CAPZB: variants seen among roughly 807,000 people sequenced by gnomAD.
CAPZB encodes the protein capping actin protein of muscle Z-line subunit beta, also known as F-actin-capping protein subunit beta.
CAPZB carries 2 observed loss-of-function variants against 38.1 expected under a neutral mutation model. The observed-to-expected ratio is 0.05, with a 90% CI of 0.02 to 0.17. CAPZB has a LOEUF of 0.17. CAPZB is among the 10% of genes least tolerant of loss of function. The pLI is 1.00. For missense variants in CAPZB, 161 were observed against 334.2 expected, an observed-to-expected ratio of 0.48 and a Z score of 4.04; for synonymous variants, 107 against 127.4, an observed-to-expected ratio of 0.84 and a Z score of 1.08.
chr1:19,391,978 C>T (rs2094238263), intron 2 of CAPZB, among the ~76,000 whole-genome samples: 1 of 152,106 alleles, frequency 6.6e-6, no homozygotes, highest in Non-Finnish European at 1.5e-5. Context: ...TTCAGGAGTT[C>T]AAGACCAGCC....
At chr1:19,404,543 TA>T (rs11356951) in intron 2 of CAPZB, among the ~76,000 whole-genome samples, 4,628 of 127,770 alleles carry the variant, frequency 0.036, 95 homozygotes, top group Non-Finnish European at 0.045. Context: ...AACTCCATGT[TA>T]AAAAAAAAAA....
chr1:19,344,978 G>A lies in CAPZB; in HGVS notation c.654+209C>T, dbSNP rs557430936. ...CTGGGAGCCCAGGTCTGGGGGTGGA[G>A]CAGGAGGTGGCCCTGAAGCTGGAGC... On this transcript the variant is annotated intron_variant, in intron 7 of 8. Coordinates refer to ENST00000264202, the MANE Select transcript of CAPZB (RefSeq NM_004930.5). Among the ~76,000 whole-genome samples, 22 of 152,328 alleles carry A rather than the reference G, an allele frequency of 1.4e-4. No homozygotes were observed. The East Asian group carries it at 4.0e-3, about 28-fold the overall frequency.
intron 1 of CAPZB, among the ~76,000 whole-genome samples, chr1:19,438,889 T>G (rs1432001171): frequency 6.6e-6 from 1 of 152,240 alleles, no homozygotes; most frequent in Non-Finnish European, 1.5e-5. Context: ...TCTCCTGGTT[T>G]CCCTTCTGTC....
chr1:19,438,296 A>G (rs544831818), intron 1 of CAPZB, among the ~76,000 whole-genome samples: 1 of 152,286 alleles, frequency 6.6e-6, no homozygotes, highest in East Asian at 1.9e-4. Context: ...AAACAAACAC[A>G]AGCCATCCAG....
At chr1:19,380,504 G>A (rs1253705608) in intron 3 of CAPZB, among the ~76,000 whole-genome samples, 1 of 152,226 alleles carries the variant, frequency 6.6e-6, no homozygotes, top group African/African-American at 2.4e-5. Context: ...GCCCACAATC[G>A]ATGCCTCAGT....
intron 4 of CAPZB, among the ~76,000 whole-genome samples, chr1:19,372,029 T>C (rs1427862686): frequency 6.6e-6 from 1 of 152,236 alleles, no homozygotes. Flanking sequence ...GAGAGGCCCT[T>C]GGGCCCTGGG....
intron 2 of CAPZB, among the ~76,000 whole-genome samples, chr1:19,413,823 G>C (rs374320891): frequency 2.8e-4 from 43 of 152,062 alleles, no homozygotes; most frequent in Admixed American, 1.0e-3. Context: ...AGTCGTCTTG[G>C]GTCCCAGGCC....
rs538639644 is a variant in CAPZB, at chr1:19,427,390, G to A, written c.4-7640C>T. Among the ~76,000 whole-genome samples the A allele has an allele frequency of 3.9e-5, 6 of 152,300 alleles. No homozygotes were observed. The East Asian group carries it at 1.2e-3, about 29-fold the overall frequency. On this transcript the variant is annotated intron_variant, in intron 1 of 8. Transcript: ENST00000264202. ...GAGAGGCTTAGCAAATAACTTCATAGACAGCACAAAGGTAAACTCTGCTGG... is the reference window on the plus strand; with the variant it reads ...GAGAGGCTTAGCAAATAACTTCATAAACAGCACAAAGGTAAACTCTGCTGG...
intron 1 of CAPZB, chr1:19,448,715 T>C (rs990180703): frequency 7.7e-7 from 1 of 1,293,848 alleles, no homozygotes; most frequent in African/African-American, 1.5e-5. Flanking sequence ...CTGTGCCTTG[T>C]GGATTCCATC....
intron 2 of CAPZB, among the ~76,000 whole-genome samples, chr1:19,412,560 G>A (rs1485117099): frequency 2.6e-5 from 4 of 152,172 alleles, no homozygotes; most frequent in Non-Finnish European, 5.9e-5. Flanking sequence ...TGTAACTTCA[G>A]ATGAATGCCA....
chr1:19,381,064 G>C (rs917638029), intron 3 of CAPZB, among the ~76,000 whole-genome samples: 2 of 152,030 alleles, frequency 1.3e-5, no homozygotes, highest in Non-Finnish European at 2.9e-5. Flanking sequence ...AGCTACTCAG[G>C]AGGCTGAGGC....
At chr1:19,363,260 ATTT>A (rs10641267) in intron 4 of CAPZB, among the ~76,000 whole-genome samples, 68 of 123,144 alleles carry the variant, frequency 5.5e-4, no homozygotes, top group African/African-American at 1.8e-3. Context: ...TAAAAAAAAA[ATTT>A]TTTTTTTTTT....
At chr1:19,445,736 T>C (rs1485841859) in intron 1 of CAPZB, among the ~76,000 whole-genome samples, 2 of 151,882 alleles carry the variant, frequency 1.3e-5, no homozygotes, top group Non-Finnish European at 2.9e-5. Context: ...ATGCAGGAGG[T>C]GTTCTGGGGG....
chr1:19,443,201 A>G (rs949660665), intron 1 of CAPZB, among the ~76,000 whole-genome samples: 3 of 151,720 alleles, frequency 2.0e-5, no homozygotes, highest in Non-Finnish European at 4.4e-5. Flanking sequence ...CAGCCTGGGC[A>G]ACATACTGAG....
At chr1:19,484,454 C>T in intron 1 of CAPZB, 1 of 1,482,158 alleles carries the variant, frequency 6.7e-7, no homozygotes, top group Non-Finnish European at 9.0e-7. Context: ...TTCGCACGCA[C>T]AGCACCCACG....
intron 1 of CAPZB, among the ~76,000 whole-genome samples, chr1:19,430,519 T>C (rs1303407259): frequency 6.6e-6 from 1 of 152,168 alleles, no homozygotes; most frequent in Non-Finnish European, 1.5e-5. Flanking sequence ...CCAAAAGGAG[T>C]TAGCCATCCA....
intron 4 of CAPZB, among the ~76,000 whole-genome samples, chr1:19,366,740 T>C (rs2094090670): frequency 2.0e-5 from 3 of 152,086 alleles, no homozygotes; most frequent in African/African-American, 7.2e-5. Context: ...CCATGACTGA[T>C]TTTATGGCAA....
At chr1:19,372,554 A>G (rs997483570) in intron 4 of CAPZB, among the ~76,000 whole-genome samples, 1 of 152,248 alleles carries the variant, frequency 6.6e-6, no homozygotes, top group Non-Finnish European at 1.5e-5. Context: ...CGCTCACACC[A>G]GCAAGATGTT....
chr1:19,375,206 C>T (rs1001673558), intron 4 of CAPZB, among the ~76,000 whole-genome samples: 4 of 152,244 alleles, frequency 2.6e-5, no homozygotes, highest in East Asian at 1.9e-4. Context: ...GACTTGTTCT[C>T]ATAATTTTTA....
Sources: allele counts gnomAD v4.1 joint callset (sites outside exome capture counted in the v4.1 genomes callset), GRCh38; gene constraint gnomAD v4.1.1; transcripts MANE v1.5; gene names NCBI Gene and HGNC (gene_info 2026-07-23, HGNC 2026-07-21).